ASH1L: variants seen among roughly 807,000 people sequenced by gnomAD.
ASH1L encodes ASH1 like histone lysine methyltransferase.
Under a neutral mutation model 269.0 loss-of-function variants are expected in ASH1L, and 23 were observed. The observed-to-expected ratio is 0.09, with a 90% CI of 0.06 to 0.12. The LOEUF is 0.12. Among genes scored for constraint, ASH1L ranks in the 10% least tolerant of loss-of-function variants. The pLI, the probability that ASH1L is intolerant of heterozygous loss-of-function variation, is 1.00. For synonymous variants in ASH1L, 1,187 were observed against 1,253.5 expected (o/e 0.95, Z 1.12); for missense variants, 2,912 against 3,567.8 (o/e 0.82, Z 4.68).
At chr1:155,405,464 AG>A (rs1272826748) in intron 6 of ASH1L, among the ~76,000 whole-genome samples, 2 of 152,166 alleles carry the variant, frequency 1.3e-5, no homozygotes, top group African/African-American at 4.8e-5. Context: ...CCTAGGCGAC[AG>A]AGTGAGACTC....
In ASH1L at chr1:155,343,693, G is replaced by A. The variant is rs1558014026; in HGVS notation, c.8031C>T (p.His2677=). The change falls in exon 23 of 28, where the codon CAC becomes CAT. Residue 2677 remains histidine, a synonymous_variant. Transcript: ENST00000392403. The surrounding 1 kb of genome is among the most constrained non-coding windows in gnomAD (Gnocchi z 6.1). The part of the protein sequence containing the change: ...MRDSRRTPDG[H]PVRQSYRLLS... ...ACAGTCGATAGGACTGACGGACCGG[G>A]TGGCCATCAGGGGTGCGCCGACTAT... 6.2e-7 allele frequency: 1 copy of A among 1,614,172 alleles called. No individual in the cohort carries two copies. Among genetic ancestry groups the A allele is most frequent in the Non-Finnish European group, 8.5e-7 (1 of 1,180,016 alleles).
chr1:155,421,230 T>TAA (rs67434918), intron 5 of ASH1L, among the ~76,000 whole-genome samples: 14 of 95,676 alleles, frequency 1.5e-4, no homozygotes, highest in East Asian at 6.5e-4. Context: ...TTCTGTGTCT[T>TAA]AAAAAAAAAA....
At chr1:155,383,246 A>C (rs1251692074) in intron 7 of ASH1L, among the ~76,000 whole-genome samples, 1 of 152,192 alleles carries the variant, frequency 6.6e-6, no homozygotes, top group Admixed American at 6.5e-5. Context: ...AAAAAATAAA[A>C]ATTTAGTGTA....
intron 10 of ASH1L, among the ~76,000 whole-genome samples, chr1:155,372,829 T>G (rs1656085903): frequency 6.6e-6 from 1 of 152,178 alleles, no homozygotes; most frequent in African/African-American, 2.4e-5. Flanking sequence ...TTGCTGCTGT[T>G]GTATTACAGG....
chr1:155,361,432 G>C (rs564334029), intron 12 of ASH1L, among the ~76,000 whole-genome samples: 1 of 139,922 alleles, frequency 7.1e-6, no homozygotes, highest in African/African-American at 2.6e-5. Context: ...CAGGAGAATA[G>C]CTTGAACCTG....
rs1197826352 is a variant in ASH1L, at chr1:155,418,461, G to C, written c.5829-2538C>G. Among the ~76,000 whole-genome samples, 4 of 151,872 alleles carry C rather than the reference G, an allele frequency of 2.6e-5. No individual in the cohort carries two copies. The East Asian group carries it at 5.8e-4, about 22-fold the overall frequency. On this transcript the variant is annotated intron_variant, in intron 5 of 27. Coordinates refer to ENST00000392403, the MANE Select transcript of ASH1L (RefSeq NM_018489.3). ...ACAACACAAACTGATAGAGATTAAAGAAAAGAATAAATTATGTAAAGAATA... is the reference window on the plus strand; with the variant it reads ...ACAACACAAACTGATAGAGATTAAACAAAAGAATAAATTATGTAAAGAATA...
chr1:155,511,951 C>T lies in ASH1L; in HGVS notation c.420+9149G>A, dbSNP rs547871681. Among the ~76,000 whole-genome samples, 102 of 152,054 alleles carry T rather than the reference C, an allele frequency of 6.7e-4. 1 individual carries two copies. The South Asian group carries it at 0.02, about 29-fold the overall frequency. The stretch of plus-strand genomic sequence containing the variant: ...TCAGCCTCCCAAGTAGCTGGGATTA[C>T]AGGCATGCACCACCACGCCCGGCTA... On this transcript the variant is annotated intron_variant, in intron 2 of 27. Coordinates refer to ENST00000392403, the MANE Select transcript of ASH1L (RefSeq NM_018489.3).
At chr1:155,421,986 ATAAC>A (rs897774253) in intron 5 of ASH1L, among the ~76,000 whole-genome samples, 1 of 152,168 alleles carries the variant, frequency 6.6e-6, no homozygotes, top group African/African-American at 2.4e-5. Flanking sequence ...CCCAGACAGA[ATAAC>A]TGATCCTATT....
intron 2 of ASH1L, among the ~76,000 whole-genome samples, chr1:155,490,126 G>A (rs1334821081): frequency 4.0e-5 from 6 of 151,648 alleles, no homozygotes; most frequent in South Asian, 2.1e-4. Flanking sequence ...CACCATGCCC[G>A]GCTGATTTTT....
intron 6 of ASH1L, among the ~76,000 whole-genome samples, chr1:155,402,785 C>A (rs1187311497): frequency 6.6e-6 from 1 of 151,822 alleles, no homozygotes; most frequent in Non-Finnish European, 1.5e-5. Flanking sequence ...AACTCCTGGC[C>A]TCAAGCAATC....
chr1:155,505,557 T>TTA (rs1451082588), intron 2 of ASH1L, among the ~76,000 whole-genome samples: 8 of 152,174 alleles, frequency 5.3e-5, no homozygotes, highest in African/African-American at 1.9e-4. Flanking sequence ...ATCAGTTATT[T>TTA]TAAGTATAAA....
chr1:155,433,781 C>G, intron 5 of ASH1L: 2 of 1,605,194 alleles, frequency 1.2e-6, no homozygotes, highest in Middle Eastern at 3.3e-4. Context: ...GTGTAAGCTG[C>G]GGCCCTTGCT....
intron 1 of ASH1L, among the ~76,000 whole-genome samples, chr1:155,540,524 C>T (rs977509887): frequency 2.0e-5 from 3 of 152,126 alleles, no homozygotes; most frequent in African/African-American, 4.8e-5. Context: ...AATCCCAGCA[C>T]TTTGGGAGGC....
chr1:155,429,674 T>C (rs905084312), intron 5 of ASH1L, among the ~76,000 whole-genome samples: 3 of 152,084 alleles, frequency 2.0e-5, no homozygotes, highest in Non-Finnish European at 2.9e-5. Context: ...AGTCAGAAGA[T>C]TGGTTATAGC....
At chr1:155,544,564 G>C (rs962974660) in intron 1 of ASH1L, among the ~76,000 whole-genome samples, 1 of 152,080 alleles carries the variant, frequency 6.6e-6, no homozygotes, top group African/African-American at 2.4e-5. Context: ...TGGGATTACA[G>C]GCGTAAGCCA....
chr1:155,412,409 C>CA (rs1195113696), intron 6 of ASH1L, among the ~76,000 whole-genome samples: 1 of 151,760 alleles, frequency 6.6e-6, no homozygotes, highest in Non-Finnish European at 1.5e-5. Context: ...AACCCCATCT[C>CA]AAAAAAACAA....
rs1658272503 is a variant in ASH1L at position 155,395,557 on chromosome 1, T to C, written c.6009-4A>G. The C allele has an allele frequency of 8.7e-6, 14 of 1,601,588 alleles. No individual in the cohort carries two copies. The highest frequency in any genetic ancestry group is 1.1e-5 in the Non-Finnish European group (13 of 1,175,894). ...TTGGATCAATCGACTCTTTGGGCTG[T>C]GATAAAAAAAGAATGGGAAACAGTC... On this transcript the variant is annotated splice_polypyrimidine_tract_variant and splice_region_variant and intron_variant, in intron 6 of 27. Coordinates refer to ENST00000392403, the MANE Select transcript of ASH1L (RefSeq NM_018489.3).
At chr1:155,392,786 G>A (rs920383923) in intron 7 of ASH1L, among the ~76,000 whole-genome samples, 3 of 152,064 alleles carry the variant, frequency 2.0e-5, no homozygotes, top group Admixed American at 6.6e-5. Flanking sequence ...TGTTATTCCC[G>A]GGAGGGTTAG....
In ASH1L at chr1:155,418,879, C is replaced by T. The variant is rs1203761994; in HGVS notation, c.5829-2956G>A. Among the ~76,000 whole-genome samples the T allele has an allele frequency of 1.3e-5, 2 of 151,322 alleles. 1 individual carries two copies. Among genetic ancestry groups the T allele is most frequent in the East Asian group, 3.9e-4 (2 of 5,130 alleles). On this transcript the variant is annotated intron_variant, in intron 5 of 27. Coordinates refer to ENST00000392403, the MANE Select transcript of ASH1L (RefSeq NM_018489.3). ...GGTCAGGAGATTGTGACCATCCTGGCTAACACGGCGAAACCCCGACTCTAC... is the reference window on the plus strand; with the variant it reads ...GGTCAGGAGATTGTGACCATCCTGGTTAACACGGCGAAACCCCGACTCTAC...
Sources: allele counts gnomAD v4.1 joint callset (sites outside exome capture counted in the v4.1 genomes callset), GRCh38; gene constraint gnomAD v4.1.1; non-coding constraint Gnocchi (gnomAD v3.1); transcripts MANE v1.5; gene names NCBI Gene and HGNC (gene_info 2026-07-23, HGNC 2026-07-21).